BLCAP: variants seen among roughly 807,000 people sequenced by gnomAD.
BLCAP encodes the protein BLCAP apoptosis inducing factor.
A neutral mutation model predicts 5.7 loss-of-function variants in BLCAP; 1 was observed. That is an observed-to-expected ratio of 0.18 (90% CI 0.06 to 0.83). The LOEUF is 0.83. Ranked by LOEUF, BLCAP falls within the 40% of genes least tolerant of loss-of-function variation. BLCAP has a pLI of 0.71. For missense variants in BLCAP, 66 were observed against 107.6 expected (o/e 0.61, Z 1.71); for synonymous variants, 48 against 49.4 (o/e 0.97, Z 0.11).
intron 1 of BLCAP, chr20:37,522,568 C>A: frequency 5.1e-6 from 3 of 588,260 alleles, no homozygotes; most frequent in Non-Finnish European, 6.7e-6. Flanking sequence ...GCTGGATGGG[C>A]GGGCGGGGCA....
rs1160279608 is a variant in BLCAP, at chr20:37,519,024, G to A, written c.151C>T (p.Leu51=). Residue 51 remains leucine (L), a synonymous_variant, in exon 2 of 2, where the codon CTG becomes TTG. Transcript: ENST00000373537. ...KPCTICALVF[L]AALFLICYSC... ...TAGCAGATAAGGAACAGGGCTGCCA[G>A]GAAAACCAAGGCACAAATTGTGCAA... is the stretch of plus-strand genomic sequence containing the variant. 6.2e-7 allele frequency: 1 copy of A among 1,614,240 alleles called. No homozygotes were observed. The highest frequency in any genetic ancestry group is 1.1e-5 in the South Asian group (1 of 91,088).
intron 1 of BLCAP, among the ~76,000 whole-genome samples, chr20:37,525,885 C>A: frequency 6.6e-6 from 1 of 152,174 alleles, no homozygotes; most frequent in East Asian, 1.9e-4. Context: ...AAGGACAGAG[C>A]AGATCGGTTG....
At position 37,519,187 on chromosome 20, in the gene BLCAP, GC is replaced by G; in HGVS notation, c.-14del. 1 of 1,567,354 alleles carries G rather than the reference GC, an allele frequency of 6.4e-7. No homozygotes were observed. Among genetic ancestry groups the G allele is most frequent in the Non-Finnish European group, 8.7e-7 (1 of 1,155,812 alleles). ...GGAGGCAATACATGATCTCTGCCGG[GC>G]AGGGCCTTCACCAAGGCTGCCGGGC... On this transcript the variant is annotated 5_prime_UTR_variant, in exon 2 of 2. Coordinates refer to ENST00000373537, the MANE Select transcript of BLCAP (RefSeq NM_006698.4).
At position 37,524,812 on chromosome 20, in the gene BLCAP, G is replaced by A. The variant is rs1225998848; in HGVS notation, c.-177+2981C>T. Among the ~76,000 whole-genome samples the A allele has an allele frequency of 2.0e-5, 3 of 152,276 alleles. No individual in the cohort carries two copies. In the South Asian group the frequency reaches 6.2e-4, roughly 32 times the overall value. On this transcript the variant is annotated intron_variant, in intron 1 of 1. Coordinates refer to ENST00000373537, the MANE Select transcript of BLCAP (RefSeq NM_006698.4). ...TATCAGAGAATTATAGGGGTGGGGAGGTGCAGATCCCGGTTCTGGTCTTGA... is the reference window on the plus strand; with the variant it reads ...TATCAGAGAATTATAGGGGTGGGGAAGTGCAGATCCCGGTTCTGGTCTTGA...
Position 37,519,248 on chromosome 20 carries a change from G to A in BLCAP, c.-74C>T. 1.4e-6 allele frequency: 2 copies of A among 1,477,544 alleles called. No individual in the cohort carries two copies. The highest frequency in any genetic ancestry group is 1.4e-5 in the African/African-American group (1 of 70,972). The allele number at this position is 1,477,544 out of a possible 1,614,324, so 91.5% of individuals were successfully genotyped here. On this transcript the variant is annotated 5_prime_UTR_variant, in exon 2 of 2. Transcript: ENST00000373537. ...GGAACCGACCTAATGGGAGCCAGCG[G>A]GCGCAGGCGGCTGCCCTCCGCTTTC... is the stretch of plus-strand genomic sequence containing the variant.
intron 1 of BLCAP, 136 bp from the exon 2 acceptor site, chr20:37,519,486 C>G (rs2071498036): frequency 4.2e-6 from 1 of 240,460 alleles, no homozygotes. Flanking sequence ...TCATGGTTAA[C>G]AACAGCAAAT....
chr20:37,524,915 C>A (rs986352616), intron 1 of BLCAP, among the ~76,000 whole-genome samples: 1 of 152,214 alleles, frequency 6.6e-6, no homozygotes, highest in African/African-American at 2.4e-5. Flanking sequence ...TCGAAGAGGG[C>A]CTTTGAGATG....
intron 1 of BLCAP, chr20:37,522,546 T>C (rs2071621081): frequency 4.7e-6 from 5 of 1,064,210 alleles, no homozygotes. Context: ...CGCGCCCGCC[T>C]CTCCAGCCTA....
rs1201791950 is a variant in BLCAP, at chr20:37,519,396, C to T, written c.-176-46G>A. The T allele has an allele frequency of 4.7e-5, 3 of 63,840 alleles. No individual in the cohort carries two copies. In the East Asian group the frequency reaches 9.1e-4, roughly 19 times the overall value. The allele number at this position is 63,840 out of a possible 1,614,324, so 4.0% of individuals were successfully genotyped here. On this transcript the variant is annotated intron_variant, in intron 1 of 1. Coordinates refer to ENST00000373537, the MANE Select transcript of BLCAP (RefSeq NM_006698.4). ...AACAGACAAACAGACAAAGAACAGA[C>T]AGACAGACAAAAAAAAAAAAAAAAA...
At chr20:37,522,065 C>A (rs114913940) in intron 1 of BLCAP, among the ~76,000 whole-genome samples, 1 of 146,338 alleles carries the variant, frequency 6.8e-6, no homozygotes, top group African/African-American at 2.5e-5. Context: ...AGGGAGCTAA[C>A]GGAAAAAAAT....
rs890415622 is a variant in BLCAP at position 37,521,181 on chromosome 20, C to T, written c.-176-1831G>A. The T allele has an allele frequency of 5.3e-6, 4 of 751,208 alleles. No individual in the cohort carries two copies. The highest frequency in any genetic ancestry group is 4.0e-5 in the Admixed American group (2 of 50,570). The allele number at this position is 751,208 out of a possible 1,614,324, so 46.5% of individuals were successfully genotyped here. ...CCCCAGCCACCCCTCCTCATAAACACCCCCCAAGGCGCGCATGCGCACTTA... is the reference window on the plus strand; with the variant it reads ...CCCCAGCCACCCCTCCTCATAAACATCCCCCAAGGCGCGCATGCGCACTTA... On this transcript the variant is annotated intron_variant, in intron 1 of 1. Transcript: ENST00000373537. The surrounding 1 kb of genome is among the most constrained non-coding windows in gnomAD (Gnocchi z 4.5).
chr20:37,522,549 C>G, intron 1 of BLCAP: 1 of 1,377,160 alleles, frequency 7.3e-7, no homozygotes, highest in Non-Finnish European at 9.9e-7. Context: ...GCCCGCCTCT[C>G]CAGCCTACGC....
At position 37,521,367 on chromosome 20, in the gene BLCAP, C is replaced by T. The variant is rs2147187823; in HGVS notation, c.-176-2017G>A. On this transcript the variant is annotated intron_variant, in intron 1 of 1. Transcript: ENST00000373537. This position sits in a 1 kb window ranked among gnomAD's most constrained non-coding sequence, Gnocchi z 4.5. The stretch of plus-strand genomic sequence containing the variant: ...TGGCGGCGGCCTCGGCTGAACTGCT[C>T]ATCATCGGCTGGTACATCTTCCGCG... 2 of 1,614,110 alleles carry T rather than the reference C, an allele frequency of 1.2e-6. No homozygotes were observed. Among genetic ancestry groups the T allele is most frequent in the South Asian group, 2.2e-5 (2 of 91,078 alleles).
chr20:37,527,506 G>C (rs1425776679), intron 1 of BLCAP: 1 of 152,256 alleles, frequency 6.6e-6, no homozygotes, highest in Non-Finnish European at 1.5e-5. Context: ...GGCTCTGCCT[G>C]TCTCATCCTG....
chr20:37,521,810 G>T lies in BLCAP; in HGVS notation c.-176-2460C>A. 1 of 161,194 alleles carries T rather than the reference G, an allele frequency of 6.2e-6. No individual in the cohort carries two copies. Among genetic ancestry groups the T allele is most frequent in the Non-Finnish European group, 1.3e-5 (1 of 75,000 alleles). 10.0% of individuals were successfully genotyped at this position (161,194 alleles called of 1,614,324 possible). On this transcript the variant is annotated intron_variant, in intron 1 of 1. Coordinates refer to ENST00000373537, the MANE Select transcript of BLCAP (RefSeq NM_006698.4). The surrounding 1 kb of genome is among the most constrained non-coding windows in gnomAD (Gnocchi z 4.5). ...ACCTTAAAAAATTGCGCATTGCGGA[G>T]AAATTTTATTTAAAAAAACATATAG...
At chr20:37,522,210 A>T in intron 1 of BLCAP, 1 of 408,276 alleles carries the variant, frequency 2.4e-6, no homozygotes, top group East Asian at 3.6e-5. Flanking sequence ...AAAAAAATAA[A>T]AAAGAGGCAA....
In BLCAP at chr20:37,518,874, G is replaced by T; in HGVS notation, c.*37C>A. ...GACCTATGTCAATGCCTCCCCTCCCGTCTTCTGCTTCCTTGGAAAGCTAAC... is the reference window on the plus strand; with the variant it reads ...GACCTATGTCAATGCCTCCCCTCCCTTCTTCTGCTTCCTTGGAAAGCTAAC... On this transcript the variant is annotated 3_prime_UTR_variant, in exon 2 of 2. Coordinates refer to ENST00000373537, the MANE Select transcript of BLCAP (RefSeq NM_006698.4). The T allele has an allele frequency of 6.2e-7, 1 of 1,605,782 alleles. No individual in the cohort carries two copies. The highest frequency in any genetic ancestry group is 1.1e-5 in the South Asian group (1 of 90,108).
intron 1 of BLCAP, 54 bp from the exon 2 acceptor site, chr20:37,519,404 C>CAAAAAAAAAAAAAAAAAAAAAAAAAAA (rs543149253): frequency 4.7e-5 from 2 of 42,958 alleles, no homozygotes; most frequent in Non-Finnish European, 8.4e-5. Context: ...GACAGACAGA[C>CAAAAAAAAAAAAAAAAAAAAAAAAAAA]AAAAAAAAAA....
At chr20:37,525,186 C>A (rs1478270567) in intron 1 of BLCAP, among the ~76,000 whole-genome samples, 1 of 152,164 alleles carries the variant, frequency 6.6e-6, no homozygotes, top group African/African-American at 2.4e-5. Context: ...ACACTAAACC[C>A]ACAGAATCAT....
Sources: gnomAD v4.1 joint callset for allele counts (sites outside exome capture counted in the v4.1 genomes callset) on GRCh38, gnomAD v4.1.1 for gene constraint, Gnocchi (gnomAD v3.1) non-coding constraint, MANE v1.5 for transcripts, NCBI Gene and HGNC (gene_info 2026-07-23, HGNC 2026-07-21) for gene names.